Variants in MAPKAPK2 observed in about 807,000 individuals in gnomAD.
MAPKAPK2 encodes MAPK activated protein kinase 2.
A neutral mutation model predicts 48.8 loss-of-function variants in MAPKAPK2; 9 were observed. The observed-to-expected ratio is 0.18, with a 90% CI of 0.11 to 0.32. The LOEUF (loss-of-function observed/expected upper bound fraction) is 0.32. Among genes scored for constraint, MAPKAPK2 ranks in the 10% least tolerant of loss-of-function variants. The pLI is 1.00. For missense variants in MAPKAPK2, 331 were observed against 498.3 expected, an observed-to-expected ratio of 0.66 and a Z score of 3.20; for synonymous variants, 202 against 190.6, an observed-to-expected ratio of 1.06 and a Z score of -0.49.
rs2102371595 is a variant in MAPKAPK2, at chr1:206,688,987, A to AGG, written c.279+3480_279+3481insGG. 1.3e-5 allele frequency among the ~76,000 whole-genome samples: 2 copies of AGG among 152,238 alleles called. 1 individual carries two copies. The highest frequency in any genetic ancestry group is 1.3e-4 in the Admixed American group (2 of 15,292). On this transcript the variant is annotated intron_variant, in intron 1 of 9. Coordinates refer to ENST00000367103, the MANE Select transcript of MAPKAPK2 (RefSeq NM_032960.4). ...GTCTCAACCCACTTGTGTATTAATTAGTTGTATTCCCCGGGAGGGTTCCTC... is the reference window on the plus strand; with the variant it reads ...GTCTCAACCCACTTGTGTATTAATTAGGGTTGTATTCCCCGGGAGGGTTCCTC...
rs1553425245 is a variant in MAPKAPK2 at position 206,685,070 on chromosome 1, C to CCGCG, written c.-159_-156dup. The CCGCG allele has an allele frequency of 5.5e-6, 1 of 180,496 alleles. No individual in the cohort carries two copies. Among genetic ancestry groups the CCGCG allele is most frequent in the African/African-American group, 2.4e-5 (1 of 41,622 alleles). 11.2% of individuals were successfully genotyped at this position (180,496 alleles called of 1,614,324 possible). Reference sequence around the variant, plus strand: ...GGCGCGCGGTGGGACCCACGGAGCCCCGCGACCCGCCGAGCCTGGAGCCGG... The same window carrying CCGCG: ...GGCGCGCGGTGGGACCCACGGAGCCCCGCGCGCGACCCGCCGAGCCTGGAGCCGG... On this transcript the variant is annotated 5_prime_UTR_variant, in exon 1 of 10. Transcript: ENST00000367103.
At chr1:206,718,298 G>T (rs915207409) in intron 1 of MAPKAPK2, among the ~76,000 whole-genome samples, 1 of 152,168 alleles carries the variant, frequency 6.6e-6, no homozygotes, top group African/African-American at 2.4e-5. Context: ...TTGGGAGGCC[G>T]AGGCGGGCAG....
Position 206,731,925 on chromosome 1 carries a change from G to A in MAPKAPK2, c.1059+6G>A, listed in dbSNP as rs782533777. On this transcript the variant is annotated splice_donor_region_variant and intron_variant, in intron 9 of 9. Transcript: ENST00000367103. The surrounding 1 kb of genome is among the most constrained non-coding windows in gnomAD (Gnocchi z 5.9). ...AGCGGTGGGAGGATGTCAAGGTGAG[G>A]GGCACCACTGGGTGAGAGGGGCTCC... 1.2e-6 allele frequency: 2 copies of A among 1,614,152 alleles called. No individual in the cohort carries two copies. The highest frequency in any genetic ancestry group is 2.2e-5 in the East Asian group (1 of 44,878).
At chr1:206,709,509 G>T (rs1175634391) in intron 1 of MAPKAPK2, among the ~76,000 whole-genome samples, 1 of 152,062 alleles carries the variant, frequency 6.6e-6, no homozygotes, top group Non-Finnish European at 1.5e-5. Context: ...TAACTTTTTG[G>T]CAGCCACGTC....
intron 1 of MAPKAPK2, among the ~76,000 whole-genome samples, chr1:206,705,552 C>G (rs1672927652): frequency 6.6e-6 from 1 of 152,168 alleles, no homozygotes; most frequent in Non-Finnish European, 1.5e-5. Context: ...ATCTCTCTGC[C>G]TTCTCCTTTC....
chr1:206,717,538 G>A (rs1673374479), intron 1 of MAPKAPK2, among the ~76,000 whole-genome samples: 1 of 152,120 alleles, frequency 6.6e-6, no homozygotes, highest in South Asian at 2.1e-4. Context: ...TTGGGGCTTT[G>A]GGGCCTCTGC....
intron 1 of MAPKAPK2, chr1:206,695,973 C>A: frequency 1.4e-6 from 1 of 731,412 alleles, no homozygotes; most frequent in Non-Finnish European, 2.5e-6. Flanking sequence ...CTTGGTTCTA[C>A]TTCCTCCTAT....
intron 1 of MAPKAPK2, among the ~76,000 whole-genome samples, chr1:206,686,680 A>C (rs1672298012): frequency 6.6e-6 from 1 of 152,216 alleles, no homozygotes; most frequent in Admixed American, 6.5e-5. Context: ...TCAAGTACAA[A>C]ACTCAGAAAT....
In MAPKAPK2 at chr1:206,732,006, G is replaced by T. The variant is rs371800749; in HGVS notation, c.1059+87G>T. 2.9e-5 allele frequency: 47 copies of T among 1,613,976 alleles called. No homozygotes were observed. Among genetic ancestry groups the T allele is most frequent in the Non-Finnish European group, 3.8e-5 (45 of 1,180,020 alleles). On this transcript the variant is annotated intron_variant, in intron 9 of 9. Coordinates refer to ENST00000367103, the MANE Select transcript of MAPKAPK2 (RefSeq NM_032960.4). This position sits in a 1 kb window ranked among gnomAD's most constrained non-coding sequence, Gnocchi z 4.4. ...CAGGTGTGAGGCGTGGTGCTGGTAG[G>T]GGAGAGCTTGATTCTGCCTCTCTCA... is the stretch of plus-strand genomic sequence containing the variant.
rs782260638 is a variant in MAPKAPK2 at position 206,685,198 on chromosome 1, C to T, written c.-32C>T. ...CCGGAGGAGGGGGCGGCCGCGGGCA[C>T]CCCCGCCTGTGCCCCGGCGTCCCCG... On this transcript the variant is annotated 5_prime_UTR_variant, in exon 1 of 10. Transcript: ENST00000367103. 2.1e-5 allele frequency: 7 copies of T among 326,226 alleles called. No homozygotes were observed. The South Asian group carries it at 5.0e-4, about 23-fold the overall frequency. The allele number at this position is 326,226 out of a possible 1,614,324, so 20.2% of individuals were successfully genotyped here.
At position 206,728,774 on chromosome 1, in the gene MAPKAPK2, C is replaced by T. The variant is rs782231165; in HGVS notation, c.344C>T (p.Pro115Leu). ...VELHWRASQC[P>L]HIVRIVDVYE... ...CTGCACTGGCGGGCCTCCCAGTGCC[C>T]GCACATCGTACGGATCGTGGATGTG... Residue 115 changes from proline to leucine, a missense_variant, in exon 2 of 10, where the codon CCG becomes CTG. Pro to Leu is a moderately conservative substitution (Grantham distance 98). Transcript: ENST00000367103. 3.1e-6 allele frequency: 5 copies of T among 1,614,030 alleles called. No homozygotes were observed. Among genetic ancestry groups the T allele is most frequent in the South Asian group, 1.1e-5 (1 of 91,056 alleles).
chr1:206,716,010 T>C (rs1673317609), intron 1 of MAPKAPK2, among the ~76,000 whole-genome samples: 1 of 152,142 alleles, frequency 6.6e-6, no homozygotes, highest in Non-Finnish European at 1.5e-5. Context: ...GTTTTTTTTT[T>C]TTTAATTTCC....
rs1553426272 is a variant in MAPKAPK2 at position 206,691,504 on chromosome 1, T to TAC, written c.279+6002_279+6003dup. 1.6e-3 allele frequency among the ~76,000 whole-genome samples: 176 copies of TAC among 112,136 alleles called. 9 individuals carry two copies. The highest frequency in any genetic ancestry group is 2.8e-3 in the Non-Finnish European group (141 of 50,642). 73.6% of individuals were successfully genotyped at this position (112,136 alleles called of 152,430 possible). The stretch of plus-strand genomic sequence containing the variant: ...TAAGATATATATATATATATATATA[T>TAC]ACACACATACACAGATATAGATATG... On this transcript the variant is annotated intron_variant, in intron 1 of 9. Transcript: ENST00000367103.
At position 206,733,981 on chromosome 1, in the gene MAPKAPK2, T is replaced by A. The variant is rs1197009371; in HGVS notation, c.*1263T>A. On this transcript the variant is annotated 3_prime_UTR_variant, in exon 10 of 10. Transcript: ENST00000367103. ...TGCCATCACCCCAAACAACTCAGCT[T>A]CGGGGCCGGTGAGGGGAGGGGCCTC... The A allele has an allele frequency of 1.3e-5, 2 of 152,768 alleles. No homozygotes were observed. The highest frequency in any genetic ancestry group is 2.9e-5 in the Non-Finnish European group (2 of 68,158). 9.5% of individuals were successfully genotyped at this position (152,768 alleles called of 1,614,324 possible). A position where few individuals can be genotyped will look rare whatever the true frequency, so the allele number is the denominator to read the frequency against.
intron 6 of MAPKAPK2, 27 bp downstream of exon 6, chr1:206,730,790 T>A: frequency 4.6e-6 from 3 of 657,978 alleles, no homozygotes; most frequent in Non-Finnish European, 8.2e-6. Context: ...GGGGGCTGGG[T>A]GGGGCAGGGA....
intron 1 of MAPKAPK2, among the ~76,000 whole-genome samples, chr1:206,699,920 TTCTC>T (rs1312196657): frequency 2.0e-5 from 3 of 152,132 alleles, no homozygotes; most frequent in Admixed American, 6.5e-5. Flanking sequence ...CTGTCTGTCT[TTCTC>T]TCTCTTTTTC....
rs868943173 is a variant in MAPKAPK2, at chr1:206,704,121, G to T, written c.279+18613G>T. 6.6e-6 allele frequency among the ~76,000 whole-genome samples: 1 copy of T among 152,262 alleles called. No homozygotes were observed. The highest frequency in any genetic ancestry group is 1.5e-5 in the Non-Finnish European group (1 of 68,050). On this transcript the variant is annotated intron_variant, in intron 1 of 9. Transcript: ENST00000367103. The surrounding 1 kb of genome is among the most constrained non-coding windows in gnomAD (Gnocchi z 4.3). ...ACAGGCTATATTTTTCCAATCCAAA[G>T]TGAGGGTCTATCTGATAGTTTTTCC...
Position 206,731,570 on chromosome 1 carries a change from A to C in MAPKAPK2, c.893-70A>C. The C allele has an allele frequency of 7.3e-7, 1 of 1,371,468 alleles. No homozygotes were observed. The highest frequency in any genetic ancestry group is 2.3e-5 in the East Asian group (1 of 43,668). 85.0% of individuals were successfully genotyped at this position (1,371,468 alleles called of 1,614,324 possible). On this transcript the variant is annotated intron_variant, in intron 7 of 9. Transcript: ENST00000367103. This position sits in a 1 kb window ranked among gnomAD's most constrained non-coding sequence, Gnocchi z 5.9. Reference sequence around the variant, plus strand: ...CTCTTTGAACCTGGTTTCCCCATGAAAACTGGGGAAAGGAGCAGGCCAGGG... The same window carrying C: ...CTCTTTGAACCTGGTTTCCCCATGACAACTGGGGAAAGGAGCAGGCCAGGG...
At chr1:206,707,031 G>A (rs1313165571) in intron 1 of MAPKAPK2, among the ~76,000 whole-genome samples, 2 of 152,174 alleles carry the variant, frequency 1.3e-5, no homozygotes, top group Non-Finnish European at 2.9e-5. Context: ...CATGTAGTTG[G>A]AGGAGGGAAC....
Sources: gnomAD v4.1 joint callset for allele counts (sites outside exome capture counted in the v4.1 genomes callset) on GRCh38, gnomAD v4.1.1 for gene constraint, Gnocchi (gnomAD v3.1) non-coding constraint, MANE v1.5 for transcripts, NCBI Gene and HGNC (gene_info 2026-07-23, HGNC 2026-07-21) for gene names.